LRRC56: variants seen among roughly 807,000 people sequenced by gnomAD.
LRRC56 encodes the protein leucine rich repeat containing 56.
A neutral mutation model predicts 47.8 loss-of-function variants in LRRC56; 41 were observed. The ratio of observed to expected loss-of-function variants is 0.86; its 90% confidence interval spans 0.67 to 1.11. The LOEUF (loss-of-function observed/expected upper bound fraction) is 1.11. LRRC56 is among the 50% of genes most tolerant of loss of function. The probability of loss-of-function intolerance (pLI) is 0.00; values close to 1 mark genes in which losing one functional copy is unlikely to be tolerated. For missense variants in LRRC56, 759 were observed against 704.2 expected (o/e 1.08, Z -0.88); for synonymous variants, 387 against 311.2 (o/e 1.24, Z -2.56).
chr11:521,410 G>C, the LRRC56 span, among the ~76,000 whole-genome samples: 1 of 152,166 alleles, frequency 6.6e-6, no homozygotes, highest in Non-Finnish European at 1.5e-5. Flanking sequence ...CTGGGCTCAA[G>C]CAACCCTCCT....
chr11:534,123 G>T, upstream of LRRC56: 1 of 1,226,524 alleles, frequency 8.2e-7, no homozygotes, highest in Non-Finnish European at 1.2e-6. Flanking sequence ...CCATGCAGGG[G>T]ACCAGGGGCT....
the LRRC56 span, among the ~76,000 whole-genome samples, chr11:510,129 G>C: frequency 6.6e-5 from 10 of 152,082 alleles, no homozygotes; most frequent in Admixed American, 6.6e-4. Flanking sequence ...AGCTTAAATA[G>C]GGAGCTTTTA....
chr11:535,357 T>C (rs1477087519), upstream of LRRC56: 2 of 145,154 alleles, frequency 1.4e-5, no homozygotes, highest in Non-Finnish European at 3.1e-5. Flanking sequence ...GCCGCGCGTA[T>C]TGCTGCCGCC....
At chr11:523,571 C>T in the LRRC56 span, among the ~76,000 whole-genome samples, 5 of 149,146 alleles carry the variant, frequency 3.4e-5, no homozygotes, top group African/African-American at 1.2e-4. Context: ...GTGGAGGTTG[C>T]AATGACCCAA....
At chr11:534,824 C>A (rs1389785454), upstream of LRRC56, among the ~76,000 whole-genome samples, 2 of 152,206 alleles carry the variant, frequency 1.3e-5, no homozygotes, top group Non-Finnish European at 2.9e-5. Flanking sequence ...ATTTGCTGAG[C>A]GCCTACTGCG....
At chr11:532,794 T>G, upstream of LRRC56, 1 of 1,603,004 alleles carries the variant, frequency 6.2e-7, no homozygotes, top group Non-Finnish European at 8.5e-7. Flanking sequence ...GACCGGCCTG[T>G]GGCCGCCTGC....
chr11:507,029 C>G, the LRRC56 span: 4 of 152,390 alleles, frequency 2.6e-5, no homozygotes, highest in Admixed American at 2.6e-4. Context: ...TCAATAGCGC[C>G]AGGCCCGCGT....
At chr11:512,973 T>G in the LRRC56 span, among the ~76,000 whole-genome samples, 14,864 of 152,210 alleles carry the variant, frequency 0.098, 1,009 homozygotes, top group Admixed American at 0.19. Context: ...TTACTACCCC[T>G]TCCCTAGAAA....
the LRRC56 span, among the ~76,000 whole-genome samples, chr11:509,556 T>G: frequency 1.1e-4 from 16 of 152,052 alleles, no homozygotes; most frequent in African/African-American, 3.9e-4. Context: ...CATTTTTATT[T>G]TATTTTATTG....
chr11:552,405 C>G (rs1182272995), intron 12 of LRRC56, among the ~76,000 whole-genome samples, 164 bp from the exon 13 acceptor site: 3 of 151,212 alleles, frequency 2.0e-5, no homozygotes, highest in Admixed American at 6.6e-5. Flanking sequence ...ATCGCTGGTC[C>G]CAAGGCTCGT....
At chr11:516,183 C>T in the LRRC56 span, among the ~76,000 whole-genome samples, 1 of 151,964 alleles carries the variant, frequency 6.6e-6, no homozygotes, top group South Asian at 2.1e-4. Context: ...CACTTGAGGC[C>T]AGGAGTTCAA....
chr11:553,937 G>A (rs781274374), intron 13 of LRRC56, 26 bp from the exon 14 acceptor site: 16 of 1,600,048 alleles, frequency 1.0e-5, no homozygotes, highest in East Asian at 4.5e-5. Context: ...CCTTTCTGAC[G>A]TCCCATCACT....
At chr11:523,678 A>T in the LRRC56 span, among the ~76,000 whole-genome samples, 2 of 151,622 alleles carry the variant, frequency 1.3e-5, no homozygotes, top group Non-Finnish European at 2.9e-5. Flanking sequence ...CACGCCTATA[A>T]TTCCAGCACT....
upstream of LRRC56, chr11:533,902 G>A (rs2133991373): frequency 6.2e-7 from 1 of 1,613,184 alleles, no homozygotes; most frequent in Non-Finnish European, 8.5e-7. Context: ...ATGTCCAACA[G>A]GCACGTCTCC....
chr11:540,559 G>A, intron 3 of LRRC56, 115 bp from the exon 4 acceptor site: 1 of 846,278 alleles, frequency 1.2e-6, no homozygotes, highest in Non-Finnish European at 1.8e-6. Flanking sequence ...GGGGGTGGGT[G>A]CCAAGGGCTT....
chr11:511,596 C>T, the LRRC56 span, among the ~76,000 whole-genome samples: 29 of 152,350 alleles, frequency 1.9e-4, no homozygotes, highest in East Asian at 5.4e-3. Flanking sequence ...AAGGGTTCTT[C>T]ACTGCAAGTG....
intron 9 of LRRC56, 113 bp downstream of exon 9, chr11:551,415 C>G: frequency 1.2e-6 from 1 of 823,914 alleles, no homozygotes; most frequent in Non-Finnish European, 1.9e-6. Flanking sequence ...GCTTCTCCAG[C>G]CTTGACCCCG....
the LRRC56 span, among the ~76,000 whole-genome samples, chr11:513,714 C>T: frequency 6.6e-6 from 1 of 151,260 alleles, no homozygotes; most frequent in Non-Finnish European, 1.5e-5. Flanking sequence ...TAAGAAATTG[C>T]TGGCCGGGTG....
chr11:541,319 CCTT>C lies in LRRC56; in HGVS notation c.178-215_178-213del, dbSNP rs1851780377. Among the ~76,000 whole-genome samples, 1 of 152,188 alleles carries C rather than the reference CCTT, an allele frequency of 6.6e-6. No homozygotes were observed. The highest frequency in any genetic ancestry group is 6.5e-5 in the Admixed American group (1 of 15,286). Reference sequence around the variant, plus strand: ...GAGACGGGCAGCCCCCAGGGCAGGTCCTTCTCCCGCAATGACCCCCCAGCCAAG... The same window carrying C: ...GAGACGGGCAGCCCCCAGGGCAGGTCCTCCCGCAATGACCCCCCAGCCAAG... On this transcript the variant is annotated intron_variant, in intron 4 of 13. Coordinates refer to ENST00000270115, the MANE Select transcript of LRRC56 (RefSeq NM_198075.4). This position sits in a 1 kb window ranked among gnomAD's most constrained non-coding sequence, Gnocchi z 4.1.
Sources: gnomAD v4.1 joint callset for allele counts (sites outside exome capture counted in the v4.1 genomes callset) on GRCh38, gnomAD v4.1.1 for gene constraint, Gnocchi (gnomAD v3.1) non-coding constraint, MANE v1.5 for transcripts, NCBI Gene and HGNC (gene_info 2026-07-23, HGNC 2026-07-21) for gene names.